TRIP12: variants seen among roughly 807,000 people sequenced by gnomAD.
TRIP12 encodes the protein E3 ubiquitin-protein ligase TRIP12.
TRIP12 carries 25 observed loss-of-function variants against 244.2 expected under a neutral mutation model. The ratio of observed to expected loss-of-function variants is 0.10; its 90% confidence interval spans 0.07 to 0.14. The LOEUF is 0.14. Among genes scored for constraint, TRIP12 ranks in the 10% least tolerant of loss-of-function variants. The pLI is 1.00. For missense variants in TRIP12, 1,677 were observed against 2,486.4 expected (o/e 0.67, Z 6.92); for synonymous variants, 905 against 873.1 (o/e 1.04, Z -0.64).
intron 13 of TRIP12, among the ~76,000 whole-genome samples, chr2:229,812,204 C>T (rs533465522): frequency 3.9e-5 from 6 of 152,212 alleles, no homozygotes; most frequent in East Asian, 3.9e-4. Flanking sequence ...GATCCTCCTG[C>T]CTCAGCCTCC....
At position 229,790,010 on chromosome 2, in the gene TRIP12, T is replaced by C. The variant is rs576378745; in HGVS notation, c.4544-248A>G. ...AACATTATAATGCAGGAAAGCTGAC[T>C]CCTCCACATTTCTCCTTTATACCAG... On this transcript the variant is annotated intron_variant, in intron 30 of 41. Coordinates refer to ENST00000675903, the MANE Select transcript of TRIP12 (RefSeq NM_001348323.3). Among the ~76,000 whole-genome samples the C allele has an allele frequency of 1.2e-4, 18 of 152,330 alleles. 1 individual carries two copies. The South Asian group carries it at 3.3e-3, about 28-fold the overall frequency.
chr2:229,872,231 C>T (rs894588356), intron 2 of TRIP12, among the ~76,000 whole-genome samples: 10 of 151,730 alleles, frequency 6.6e-5, no homozygotes, highest in South Asian at 2.1e-4. Context: ...GAGCTTGAGA[C>T]GAGTCTGGGC....
Position 229,778,700 on chromosome 2 carries a change from A to G in TRIP12, c.5210-113T>C, listed in dbSNP as rs148440777. Reference sequence around the variant, plus strand: ...CATTCTCAAAATTGGAGTGCAGATCACTGAATGAAGTCCTCTAGAACTGGA... The same window carrying G: ...CATTCTCAAAATTGGAGTGCAGATCGCTGAATGAAGTCCTCTAGAACTGGA... On this transcript the variant is annotated intron_variant, in intron 35 of 41. Transcript: ENST00000675903. The surrounding 1 kb of genome is among the most constrained non-coding windows in gnomAD (Gnocchi z 4.1). The G allele has an allele frequency of 6.8e-7, 1 of 1,461,640 alleles. No homozygotes were observed. Among genetic ancestry groups the G allele is most frequent in the East Asian group, 2.3e-5 (1 of 43,948 alleles). The allele number at this position is 1,461,640 out of a possible 1,614,324, so 90.5% of individuals were successfully genotyped here.
At chr2:229,806,041 C>A in intron 17 of TRIP12, 158 bp from the exon 18 acceptor site, 1 of 529,918 alleles carries the variant, frequency 1.9e-6, no homozygotes, top group Non-Finnish European at 3.1e-6. Flanking sequence ...GTAGATATGA[C>A]AAAACTCATT....
intron 13 of TRIP12, among the ~76,000 whole-genome samples, chr2:229,812,009 T>C (rs1482346953): frequency 6.6e-6 from 1 of 152,204 alleles, no homozygotes; most frequent in Admixed American, 6.5e-5. Context: ...CTAAAGAATA[T>C]CATATGGAAC....
chr2:229,842,723 T>C (rs2056744564), intron 4 of TRIP12, among the ~76,000 whole-genome samples: 2 of 152,184 alleles, frequency 1.3e-5, no homozygotes. Context: ...AGCACACACT[T>C]TTGCATCTAT....
chr2:229,872,871 A>G (rs1222421703), intron 2 of TRIP12, among the ~76,000 whole-genome samples: 1 of 152,176 alleles, frequency 6.6e-6, no homozygotes, highest in Non-Finnish European at 1.5e-5. Context: ...AACTGTTTTA[A>G]AGCTTCTTTG....
At chr2:229,796,878 A>C in intron 24 of TRIP12, 96 bp from the exon 25 acceptor site, 59 of 1,172,546 alleles carry the variant, frequency 5.0e-5, no homozygotes, top group Non-Finnish European at 6.4e-5. Context: ...ATATATTCTC[A>C]ACGCCCTTAA....
chr2:229,863,543 A>C (rs928297113), intron 2 of TRIP12, among the ~76,000 whole-genome samples: 2 of 152,230 alleles, frequency 1.3e-5, no homozygotes, highest in African/African-American at 4.8e-5. Flanking sequence ...AAAAACAGGC[A>C]GTGAGCCAGA....
At chr2:229,879,648 C>T (rs577256156) in intron 2 of TRIP12, among the ~76,000 whole-genome samples, 2 of 152,150 alleles carry the variant, frequency 1.3e-5, no homozygotes, top group Non-Finnish European at 2.9e-5. Flanking sequence ...ATTAAGTCAA[C>T]ACATAAGGAA....
At chr2:229,794,992 C>G (rs1209274882) in intron 26 of TRIP12, 187 bp downstream of exon 26, 11 of 543,942 alleles carry the variant, frequency 2.0e-5, no homozygotes, top group Middle Eastern at 4.9e-4. Flanking sequence ...CTGTTTAAGG[C>G]ATATGGTATA....
intron 2 of TRIP12, among the ~76,000 whole-genome samples, chr2:229,879,376 C>A (rs2064344132): frequency 6.6e-6 from 1 of 152,182 alleles, no homozygotes; most frequent in East Asian, 1.9e-4. Flanking sequence ...CAGTCCTTGG[C>A]TAAATCTGAC....
chr2:229,815,429 C>A, intron 9 of TRIP12, 121 bp from the exon 10 acceptor site: 1 of 613,510 alleles, frequency 1.6e-6, no homozygotes, highest in Non-Finnish European at 2.8e-6. Flanking sequence ...TTTTACCACA[C>A]AAAAATAACT....
At chr2:229,839,619 C>T (rs1232062612) in intron 5 of TRIP12, among the ~76,000 whole-genome samples, 1 of 150,882 alleles carries the variant, frequency 6.6e-6, no homozygotes, top group Non-Finnish European at 1.5e-5. Context: ...GCAGAGTTTG[C>T]AGTGAGCCGA....
At chr2:229,903,091 C>A (rs1025917569) in intron 1 of TRIP12, among the ~76,000 whole-genome samples, 4 of 143,222 alleles carry the variant, frequency 2.8e-5, no homozygotes, top group Non-Finnish European at 6.0e-5. Flanking sequence ...ACAGGCTAGG[C>A]ATCCTCTAGG....
intron 2 of TRIP12, among the ~76,000 whole-genome samples, chr2:229,878,919 T>C (rs1353555322): frequency 6.6e-6 from 1 of 151,804 alleles, no homozygotes; most frequent in Non-Finnish European, 1.5e-5. Context: ...TAATATGCAT[T>C]CATGGTTATG....
chr2:229,917,775 C>G lies in TRIP12; in HGVS notation c.-50+4105G>C, dbSNP rs538349411. Among the ~76,000 whole-genome samples the G allele has an allele frequency of 2.0e-5, 3 of 152,284 alleles. No individual in the cohort carries two copies. The South Asian group carries it at 6.2e-4, about 32-fold the overall frequency. On this transcript the variant is annotated intron_variant, in intron 1 of 41. Transcript: ENST00000675903. ...GTGGCATGATCATAACTATTAACTT[C>G]AAATCTCTGGGTTCAAGCAATACTT...
At chr2:229,922,643 A>T, upstream of TRIP12, 2 of 1,606,166 alleles carry the variant, frequency 1.2e-6, no homozygotes, top group Non-Finnish European at 1.7e-6. Flanking sequence ...CTCTCTCCTA[A>T]CTCCCTACCT....
intron 5 of TRIP12, among the ~76,000 whole-genome samples, chr2:229,840,026 T>C (rs574472099): frequency 6.6e-6 from 1 of 152,324 alleles, no homozygotes; most frequent in Admixed American, 6.5e-5. Flanking sequence ...TTCATTAAAC[T>C]TAGCAACTAG....
Sources: gnomAD v4.1 joint callset for allele counts (sites outside exome capture counted in the v4.1 genomes callset) on GRCh38, gnomAD v4.1.1 for gene constraint, Gnocchi (gnomAD v3.1) non-coding constraint, MANE v1.5 for transcripts, NCBI Gene and HGNC (gene_info 2026-07-23, HGNC 2026-07-21) for gene names.